Variants in GRM8 observed in about 807,000 individuals in gnomAD.
The protein encoded by GRM8 is glutamate metabotropic receptor 8, also known as metabotropic glutamate receptor 8.
A neutral mutation model predicts 87.2 loss-of-function variants in GRM8; 47 were observed. That is an observed-to-expected ratio of 0.54 (90% CI 0.43 to 0.69). The LOEUF (loss-of-function observed/expected upper bound fraction) is 0.69, where lower values mean the gene tolerates loss of function less well. Ranked by LOEUF, GRM8 falls within the 30% of genes least tolerant of loss-of-function variation. The probability of loss-of-function intolerance (pLI) is 0.00; values close to 1 mark genes in which losing one functional copy is unlikely to be tolerated. For missense variants in GRM8, 1,019 were observed against 1,139.2 expected (o/e 0.89, Z 1.52); for synonymous variants, 396 against 404.5 (o/e 0.98, Z 0.25).
intron 9 of GRM8, among the ~76,000 whole-genome samples, chr7:126,513,530 T>A (rs945017937): frequency 6.6e-6 from 1 of 152,152 alleles, no homozygotes; most frequent in Non-Finnish European, 1.5e-5. Context: ...AAGAAACTTG[T>A]ATACATAGCC....
chr7:126,663,497 T>C (rs889878060), intron 7 of GRM8, among the ~76,000 whole-genome samples: 1 of 152,160 alleles, frequency 6.6e-6, no homozygotes, highest in South Asian at 2.1e-4. Flanking sequence ...CATATGCAAA[T>C]CAATAAATGC....
intron 3 of GRM8, among the ~76,000 whole-genome samples, chr7:127,038,401 C>A (rs1586821231): frequency 6.6e-6 from 1 of 152,242 alleles, no homozygotes; most frequent in East Asian, 1.9e-4. Context: ...GAGCTTTGAA[C>A]TTACCCTTAA....
chr7:127,010,906 C>A (rs1210478458), intron 3 of GRM8, among the ~76,000 whole-genome samples: 2 of 151,212 alleles, frequency 1.3e-5, no homozygotes, highest in African/African-American at 2.4e-5. Context: ...GAAAGAGGAG[C>A]AGAAGGAGGA....
intron 6 of GRM8, among the ~76,000 whole-genome samples, chr7:126,853,763 G>A (rs967372846): frequency 2.6e-5 from 4 of 152,182 alleles, no homozygotes; most frequent in African/African-American, 9.7e-5. Flanking sequence ...ATGCCTGGAG[G>A]TGTGCTCCTG....
intron 2 of GRM8, among the ~76,000 whole-genome samples, chr7:127,203,018 C>CT (rs1354530625): frequency 1.3e-5 from 2 of 152,192 alleles, no homozygotes; most frequent in Admixed American, 6.5e-5. Flanking sequence ...TAAGACTTGT[C>CT]TTTGAGGCCA....
At chr7:126,974,936 CAAAAAAAAAAA>C (rs36129145) in intron 3 of GRM8, among the ~76,000 whole-genome samples, 33 of 59,618 alleles carry the variant, frequency 5.5e-4, no homozygotes, top group South Asian at 1.9e-3. Flanking sequence ...ACTCTTGTCT[CAAAAAAAAAAA>C]AAAAAAAAAA....
chr7:126,834,892 G>A (rs1401982878), intron 6 of GRM8, among the ~76,000 whole-genome samples: 4 of 151,956 alleles, frequency 2.6e-5, no homozygotes, highest in Non-Finnish European at 5.9e-5. Flanking sequence ...GAGCTTAGGA[G>A]TTTGAGACCC....
intron 9 of GRM8, among the ~76,000 whole-genome samples, chr7:126,521,751 C>A (rs540263736): frequency 8.4e-4 from 127 of 152,072 alleles, no homozygotes; most frequent in African/African-American, 3.0e-3. Flanking sequence ...AATATAAAAT[C>A]CATTTAACTT....
chr7:127,210,284 C>G (rs927665297), intron 2 of GRM8, among the ~76,000 whole-genome samples: 2 of 152,198 alleles, frequency 1.3e-5, no homozygotes, highest in African/African-American at 4.8e-5. Flanking sequence ...TAGGTCCACA[C>G]CACACCAGTA....
At chr7:126,653,557 G>A (rs1804174268) in intron 7 of GRM8, among the ~76,000 whole-genome samples, 1 of 152,172 alleles carries the variant, frequency 6.6e-6, no homozygotes, top group South Asian at 2.1e-4. Flanking sequence ...GTTTCTGAAA[G>A]CACATAAACC....
chr7:126,504,456 G>C (rs922562745), intron 9 of GRM8, among the ~76,000 whole-genome samples: 4 of 151,642 alleles, frequency 2.6e-5, no homozygotes, highest in Non-Finnish European at 5.9e-5. Context: ...TGTATGTATG[G>C]TGCCAGTGTA....
intron 2 of GRM8, among the ~76,000 whole-genome samples, chr7:127,236,279 A>G (rs1797975684): frequency 6.6e-6 from 1 of 152,242 alleles, no homozygotes; most frequent in Admixed American, 6.5e-5. Context: ...GCAACTCTCA[A>G]AATATAATCA....
At chr7:126,956,382 AT>A (rs1392035374) in intron 3 of GRM8, among the ~76,000 whole-genome samples, 11 of 152,204 alleles carry the variant, frequency 7.2e-5, no homozygotes, top group African/African-American at 2.7e-4. Flanking sequence ...AACCAAGCCT[AT>A]CTCACCAGTT....
At chr7:127,044,246 C>T (rs17867257) in intron 3 of GRM8, among the ~76,000 whole-genome samples, 1,678 of 152,264 alleles carry the variant, frequency 0.011, 24 homozygotes, top group African/African-American at 0.037. Flanking sequence ...GACACACACC[C>T]TCTCTCTGAA....
chr7:126,744,422 C>G (rs1815396492), intron 7 of GRM8, among the ~76,000 whole-genome samples: 1 of 152,024 alleles, frequency 6.6e-6, no homozygotes, highest in Non-Finnish European at 1.5e-5. Context: ...GCATACTCCT[C>G]AAATCAAGTC....
chr7:127,026,925 A>AT (rs1405756143), intron 3 of GRM8, among the ~76,000 whole-genome samples: 6 of 152,124 alleles, frequency 3.9e-5, no homozygotes, highest in African/African-American at 1.4e-4. Flanking sequence ...TATGTCCTGA[A>AT]TGGTATTGTC....
intron 2 of GRM8, among the ~76,000 whole-genome samples, chr7:127,239,892 C>T (rs1259326607): frequency 1.3e-5 from 2 of 152,162 alleles, no homozygotes; most frequent in Non-Finnish European, 2.9e-5. Context: ...GAATTACAGA[C>T]GATTTTCAAG....
chr7:127,106,413 A>G (rs1406332748), intron 3 of GRM8, 83 bp downstream of exon 3: 11 of 1,068,814 alleles, frequency 1.0e-5, no homozygotes, highest in African/African-American at 4.7e-5. Context: ...ATTATTCCCT[A>G]CAGATAAGAG....
intron 2 of GRM8, among the ~76,000 whole-genome samples, chr7:127,238,522 C>T (rs1176084213): frequency 6.6e-6 from 1 of 152,130 alleles, no homozygotes; most frequent in Non-Finnish European, 1.5e-5. Context: ...GAAAAGCCTC[C>T]CAGGTAGTTT....
Sources: allele counts gnomAD v4.1 joint callset (sites outside exome capture counted in the v4.1 genomes callset), GRCh38; gene constraint gnomAD v4.1.1; transcripts MANE v1.5; gene names NCBI Gene and HGNC (gene_info 2026-07-23, HGNC 2026-07-21).